Variants in ADAMTS6 observed in about 807,000 individuals in gnomAD.
ADAMTS6 encodes the protein ADAM metallopeptidase with thrombospondin type 1 motif 6, also known as A disintegrin and metalloproteinase with thrombospondin motifs 6.
A neutral mutation model predicts 144.3 loss-of-function variants in ADAMTS6; 23 were observed. The observed-to-expected ratio is 0.16, with a 90% CI of 0.11 to 0.23. The LOEUF (loss-of-function observed/expected upper bound fraction) is 0.23, where lower values mean the gene tolerates loss of function less well. Among genes scored for constraint, ADAMTS6 ranks in the 10% least tolerant of loss-of-function variants. The probability of loss-of-function intolerance (pLI) is 1.00; values close to 1 mark genes in which losing one functional copy is unlikely to be tolerated. For synonymous variants in ADAMTS6, 444 were observed against 457.5 expected (o/e 0.97, Z 0.38); for missense variants, 999 against 1,379.6 (o/e 0.72, Z 4.37).
intron 10 of ADAMTS6, among the ~76,000 whole-genome samples, chr5:65,296,783 T>C (rs1372548922): frequency 2.6e-5 from 4 of 152,230 alleles, no homozygotes; most frequent in African/African-American, 9.6e-5. Flanking sequence ...AAATGTCTAC[T>C]CTGTATTTAA....
chr5:65,210,450 C>CA (rs59171341), intron 20 of ADAMTS6: 21,141 of 104,410 alleles, frequency 0.2, 2,027 homozygotes, highest in East Asian at 0.25. Context: ...AACTCCGTCT[C>CA]AAAAAAAAAA....
At chr5:65,437,831 T>G (rs1757560576) in intron 7 of ADAMTS6, among the ~76,000 whole-genome samples, 2 of 152,176 alleles carry the variant, frequency 1.3e-5, no homozygotes, top group East Asian at 3.8e-4. Flanking sequence ...TATTGCGGGT[T>G]TTTCCATGGA....
chr5:65,466,581 G>T (rs956762333), intron 3 of ADAMTS6, among the ~76,000 whole-genome samples: 1 of 152,088 alleles, frequency 6.6e-6, no homozygotes, highest in African/African-American at 2.4e-5. Flanking sequence ...TTATATGGAA[G>T]GTACTTATAA....
intron 7 of ADAMTS6, among the ~76,000 whole-genome samples, chr5:65,377,921 G>C (rs1164737560): frequency 2.0e-5 from 3 of 152,132 alleles, no homozygotes; most frequent in Non-Finnish European, 2.9e-5. Context: ...ACTGTTTTTT[G>C]CTGGCAATCA....
intron 7 of ADAMTS6, among the ~76,000 whole-genome samples, chr5:65,391,261 G>C (rs958205289): frequency 6.6e-6 from 1 of 151,954 alleles, no homozygotes; most frequent in Non-Finnish European, 1.5e-5. Context: ...GGTGTTTTCA[G>C]GTTCCTTAAA....
intron 9 of ADAMTS6, among the ~76,000 whole-genome samples, chr5:65,317,310 T>A (rs905411218): frequency 6.6e-6 from 1 of 152,196 alleles, no homozygotes; most frequent in Non-Finnish European, 1.5e-5. Context: ...AGGGATCTAA[T>A]TGACAATGCT....
chr5:65,470,846 G>T lies in ADAMTS6; in HGVS notation c.394C>A (p.His132Asn). The change falls in exon 3 of 25, where the codon CAT (histidine) becomes AAT (asparagine). Residue 132 changes from histidine to asparagine, a missense_variant. Transcript: ENST00000381055. The stretch of plus-strand genomic sequence containing the variant: ...TGATCTTGCAAATATCCTGTGTAAT[G>T]ACAGTTGTCTAAAAAATCATGTTTC... ...QWKHDFLDNC[H>N]YTGYLQDQRS... 1.2e-6 allele frequency: 2 copies of T among 1,610,354 alleles called. No individual in the cohort carries two copies. The highest frequency in any genetic ancestry group is 2.2e-5 in the South Asian group (2 of 90,232).
intron 21 of ADAMTS6, among the ~76,000 whole-genome samples, chr5:65,192,868 C>T (rs888035704): frequency 6.6e-6 from 1 of 151,854 alleles, no homozygotes; most frequent in Non-Finnish European, 1.5e-5. Flanking sequence ...GTCTATTTTT[C>T]CTAGTCCTCC....
At chr5:65,413,599 T>G (rs1273743856) in intron 7 of ADAMTS6, among the ~76,000 whole-genome samples, 1 of 152,178 alleles carries the variant, frequency 6.6e-6, no homozygotes, top group East Asian at 1.9e-4. Context: ...ATCTAATGTC[T>G]GCCATTTCAA....
chr5:65,330,391 T>C (rs1459133207), intron 8 of ADAMTS6, among the ~76,000 whole-genome samples: 1 of 152,146 alleles, frequency 6.6e-6, no homozygotes, highest in Non-Finnish European at 1.5e-5. Flanking sequence ...TCATATTTCA[T>C]GCACATAGAA....
intron 7 of ADAMTS6, among the ~76,000 whole-genome samples, chr5:65,337,728 C>T (rs1747439281): frequency 6.6e-6 from 1 of 152,066 alleles, no homozygotes; most frequent in Non-Finnish European, 1.5e-5. Context: ...CTAACTTTCT[C>T]ATTTTTACTT....
At chr5:65,270,306 G>T (rs1282925448) in intron 12 of ADAMTS6, among the ~76,000 whole-genome samples, 1 of 151,894 alleles carries the variant, frequency 6.6e-6, no homozygotes, top group East Asian at 1.9e-4. Flanking sequence ...TAGCCCTAAG[G>T]GCAAAATCTC....
At chr5:65,410,403 G>A (rs1754952140) in intron 7 of ADAMTS6, among the ~76,000 whole-genome samples, 1 of 151,992 alleles carries the variant, frequency 6.6e-6, no homozygotes, top group African/African-American at 2.4e-5. Context: ...TCTTTAATTG[G>A]CAAGTAAAAA....
intron 7 of ADAMTS6, among the ~76,000 whole-genome samples, chr5:65,355,595 C>T (rs1374300738): frequency 6.6e-6 from 1 of 151,714 alleles, no homozygotes; most frequent in African/African-American, 2.4e-5. Flanking sequence ...ACTTAGATTT[C>T]AAAATAATGA....
chr5:65,328,160 A>G (rs1042359443), intron 9 of ADAMTS6, among the ~76,000 whole-genome samples: 4 of 152,066 alleles, frequency 2.6e-5, no homozygotes, highest in Admixed American at 1.3e-4. Flanking sequence ...TTAAATTTAC[A>G]CCTAAATCAT....
chr5:65,373,610 T>A (rs1208001812), intron 7 of ADAMTS6, among the ~76,000 whole-genome samples: 7 of 152,106 alleles, frequency 4.6e-5, no homozygotes, highest in Non-Finnish European at 1.0e-4. Context: ...ATTGTGGCAA[T>A]AATCAATAGC....
chr5:65,371,166 G>T (rs1030061895), intron 7 of ADAMTS6, among the ~76,000 whole-genome samples: 1 of 152,096 alleles, frequency 6.6e-6, no homozygotes, highest in Non-Finnish European at 1.5e-5. Context: ...CACAAAGATG[G>T]GGAAAAAAAC....
At chr5:65,226,061 C>T (rs1022772142) in intron 16 of ADAMTS6, 25 bp downstream of exon 16, 2 of 1,581,558 alleles carry the variant, frequency 1.3e-6, no homozygotes, top group African/African-American at 2.7e-5. Context: ...AAAACCCCAA[C>T]AGAAAGGAGT....
chr5:65,438,871 AAACG>A (rs1003327894), intron 7 of ADAMTS6, among the ~76,000 whole-genome samples: 16 of 152,364 alleles, frequency 1.1e-4, no homozygotes, highest in African/African-American at 3.6e-4. Flanking sequence ...ACTATCAAAC[AAACG>A]AAAACACAAG....
Sources: gnomAD v4.1 joint callset for allele counts (sites outside exome capture counted in the v4.1 genomes callset) on GRCh38, gnomAD v4.1.1 for gene constraint, MANE v1.5 for transcripts, NCBI Gene and HGNC (gene_info 2026-07-23, HGNC 2026-07-21) for gene names.